The following SPOCK3 variants were observed in gnomAD, a reference collection of about 807,000 sequenced individuals.
SPOCK3 encodes testican-3.
In SPOCK3, 30 loss-of-function variants were observed where a neutral mutation model predicts 56.6. The observed-to-expected ratio is 0.53, with a 90% CI of 0.40 to 0.72. The LOEUF (loss-of-function observed/expected upper bound fraction) is 0.72. Among genes scored for constraint, SPOCK3 ranks in the 30% least tolerant of loss-of-function variants. The pLI is 0.00. For synonymous variants in SPOCK3, 196 were observed against 183.3 expected (o/e 1.07, Z -0.56); for missense variants, 527 against 530.0 (o/e 0.99, Z 0.06).
chr4:167,093,394 C>T (rs1267131664), intron 2 of SPOCK3, among the ~76,000 whole-genome samples: 1 of 152,098 alleles, frequency 6.6e-6, no homozygotes, highest in African/African-American at 2.4e-5. Context: ...CTGTACCCAT[C>T]AACCCGTCAT....
intron 4 of SPOCK3, among the ~76,000 whole-genome samples, chr4:166,983,219 C>A (rs1280101829): frequency 6.6e-6 from 1 of 151,948 alleles, no homozygotes; most frequent in East Asian, 1.9e-4. Flanking sequence ...TTGCTTTTTT[C>A]TTCTCTGCTT....
rs542488200 is a variant in SPOCK3 at position 167,203,574 on chromosome 4, G to A, written c.189+30411C>T. ...ATCTGATTAAAAAAAAAAAAAGACA[G>A]AAAAGAAAGGTAAAGCAATGAGGAA... On this transcript the variant is annotated intron_variant, in intron 2 of 10. Transcript: ENST00000357545. Among the ~76,000 whole-genome samples the A allele has an allele frequency of 6.7e-5, 10 of 149,708 alleles. No individual in the cohort carries two copies. In the East Asian group the frequency reaches 2.0e-3, roughly 29 times the overall value.
intron 4 of SPOCK3, among the ~76,000 whole-genome samples, chr4:166,951,587 C>A (rs954333135): frequency 1.5e-5 from 2 of 134,688 alleles, no homozygotes; most frequent in Non-Finnish European, 3.1e-5. Flanking sequence ...TTTTATGAGG[C>A]CAGCATCATC....
intron 4 of SPOCK3, among the ~76,000 whole-genome samples, chr4:166,955,867 C>G (rs1314883323): frequency 6.6e-6 from 1 of 151,816 alleles, no homozygotes; most frequent in African/African-American, 2.4e-5. Context: ...GTCCCTATCT[C>G]TCTTCTGTCA....
intron 6 of SPOCK3, among the ~76,000 whole-genome samples, chr4:166,802,859 C>A (rs996275301): frequency 1.3e-5 from 2 of 152,028 alleles, no homozygotes; most frequent in Non-Finnish European, 2.9e-5. Flanking sequence ...GAGTAAAATG[C>A]ACATAAGCCT....
intron 4 of SPOCK3, among the ~76,000 whole-genome samples, chr4:166,965,075 C>A (rs560318814): frequency 1.8e-4 from 28 of 151,958 alleles, no homozygotes. Context: ...TTTTAGTGGA[C>A]TAATGACTGT....
chr4:166,856,374 G>C (rs902449172), intron 6 of SPOCK3, among the ~76,000 whole-genome samples: 1 of 152,110 alleles, frequency 6.6e-6, no homozygotes, highest in Non-Finnish European at 1.5e-5. Flanking sequence ...AAAATATTGA[G>C]GCTATGCTAA....
intron 3 of SPOCK3, among the ~76,000 whole-genome samples, chr4:167,032,982 G>C (rs1179984518): frequency 6.6e-6 from 1 of 151,822 alleles, no homozygotes; most frequent in Admixed American, 6.6e-5. Context: ...CTTCAATTAC[G>C]ACTAATGGCT....
intron 5 of SPOCK3, among the ~76,000 whole-genome samples, chr4:166,897,714 A>G (rs1735539632): frequency 3.9e-5 from 6 of 152,180 alleles, no homozygotes; most frequent in African/African-American, 1.4e-4. Context: ...TAAAATTTTC[A>G]GACCCTTCAC....
intron 4 of SPOCK3, among the ~76,000 whole-genome samples, chr4:166,949,740 G>T (rs114916043): frequency 0.04 from 6,132 of 152,184 alleles, 160 homozygotes; most frequent in Non-Finnish European, 0.056. Flanking sequence ...TGAAGTGTCA[G>T]TCTGCCCACT....
chr4:166,824,890 C>T (rs1745302667), intron 6 of SPOCK3, among the ~76,000 whole-genome samples: 1 of 151,994 alleles, frequency 6.6e-6, no homozygotes, highest in Non-Finnish European at 1.5e-5. Flanking sequence ...CACTTTACTA[C>T]AGTTGTATTG....
intron 2 of SPOCK3, among the ~76,000 whole-genome samples, chr4:167,164,439 TTTTAC>T (rs1467552534): frequency 6.6e-6 from 1 of 152,136 alleles, no homozygotes; most frequent in African/African-American, 2.4e-5. Flanking sequence ...TTTTTTTTAA[TTTTAC>T]TTTAAGTTCA....
At chr4:167,202,224 A>T (rs1213447084) in intron 2 of SPOCK3, among the ~76,000 whole-genome samples, 2 of 151,968 alleles carry the variant, frequency 1.3e-5, no homozygotes, top group Non-Finnish European at 2.9e-5. Context: ...AATTTTCATC[A>T]AATTTTGTTC....
At chr4:166,949,315 C>G (rs547748559) in intron 4 of SPOCK3, among the ~76,000 whole-genome samples, 1 of 152,126 alleles carries the variant, frequency 6.6e-6, no homozygotes, top group Non-Finnish European at 1.5e-5. Flanking sequence ...GTAGTTTGAT[C>G]GTCTGAAGCC....
chr4:166,908,584 T>C (rs1736890615), intron 5 of SPOCK3, among the ~76,000 whole-genome samples: 1 of 151,646 alleles, frequency 6.6e-6, no homozygotes, highest in African/African-American at 2.4e-5. Context: ...AATACTAATT[T>C]CTAAGGAATT....
At chr4:167,124,013 G>A (rs1762083662) in intron 2 of SPOCK3, among the ~76,000 whole-genome samples, 1 of 152,022 alleles carries the variant, frequency 6.6e-6, no homozygotes, top group African/African-American at 2.4e-5. Flanking sequence ...CCAAAGTGCT[G>A]GGATTACAGG....
At chr4:166,748,706 A>G (rs554102602) in intron 8 of SPOCK3, among the ~76,000 whole-genome samples, 1 of 137,580 alleles carries the variant, frequency 7.3e-6, no homozygotes, top group East Asian at 2.0e-4. Context: ...GGCAACCTAC[A>G]GAATGGGAGA....
intron 4 of SPOCK3, among the ~76,000 whole-genome samples, chr4:166,941,004 G>T (rs762006685): frequency 6.6e-6 from 1 of 151,236 alleles, no homozygotes; most frequent in Non-Finnish European, 1.5e-5. Context: ...TTTTTCTTTT[G>T]CAGTAAATTA....
At chr4:166,908,272 TCA>T (rs5863846) in intron 5 of SPOCK3, among the ~76,000 whole-genome samples, 25,175 of 138,210 alleles carry the variant, frequency 0.18, 2,572 homozygotes, top group African/African-American at 0.31. Context: ...ATGTTATTGT[TCA>T]CACACACACA....
Sources: gnomAD v4.1 joint callset for allele counts (sites outside exome capture counted in the v4.1 genomes callset) on GRCh38, gnomAD v4.1.1 for gene constraint, MANE v1.5 for transcripts, NCBI Gene and HGNC (gene_info 2026-07-23, HGNC 2026-07-21) for gene names.